Variants in PCGF1 observed in about 807,000 individuals in gnomAD.
PCGF1 encodes polycomb group RING finger protein 1.
PCGF1 carries 10 observed loss-of-function variants against 38.8 expected under a neutral mutation model. That is an observed-to-expected ratio of 0.26 (90% CI 0.16 to 0.44). The LOEUF (loss-of-function observed/expected upper bound fraction) is 0.44, where lower values mean the gene tolerates loss of function less well. Among genes scored for constraint, PCGF1 ranks in the 20% least tolerant of loss-of-function variants. The pLI, the probability that PCGF1 is intolerant of heterozygous loss-of-function variation, is 1.00. For missense variants in PCGF1, 230 were observed against 331.5 expected (o/e 0.69, Z 2.38); for synonymous variants, 119 against 121.3 (o/e 0.98, Z 0.12).
chr2:74,507,492 GC>G, intron 1 of PCGF1, 83 bp downstream of exon 1: 1 of 1,522,876 alleles, frequency 6.6e-7, no homozygotes, highest in Non-Finnish European at 8.8e-7. Flanking sequence ...CGCACTGGGC[GC>G]CCGGCCAGCC....
chr2:74,507,283 C>T (rs1300986897), intron 1 of PCGF1, 136 bp from the exon 2 acceptor site: 2 of 1,474,450 alleles, frequency 1.4e-6, no homozygotes, highest in African/African-American at 2.8e-5. Flanking sequence ...GGGATTAGCT[C>T]CTGGGGGCTG....
In PCGF1 at chr2:74,506,303, C is replaced by T. The variant is rs770496010; in HGVS notation, c.353-51G>A. ...AAAGTATTAGCCCTTCGGGGCCGGG[C>T]GCGGTGGCTCACGCCTGTAATCCCA... On this transcript the variant is annotated intron_variant, in intron 3 of 8. Coordinates refer to ENST00000233630, the MANE Select transcript of PCGF1 (RefSeq NM_032673.3). 5.7e-6 allele frequency: 9 copies of T among 1,568,584 alleles called. No homozygotes were observed. The East Asian group carries it at 1.6e-4, about 27-fold the overall frequency.
Position 74,505,332 on chromosome 2 carries a change from G to A in PCGF1, c.732+7C>T. 1 of 1,604,456 alleles carries A rather than the reference G, an allele frequency of 6.2e-7. No homozygotes were observed. Among genetic ancestry groups the A allele is most frequent in the Non-Finnish European group, 8.5e-7 (1 of 1,175,162 alleles). On this transcript the variant is annotated splice_region_variant and intron_variant, in intron 8 of 8. Coordinates refer to ENST00000233630, the MANE Select transcript of PCGF1 (RefSeq NM_032673.3). Reference sequence around the variant, plus strand: ...GGTGTGATCCCAGGGAGGGTGGCCTGGCTTACCTTGCCGAACCAGCGGGAG... The same window carrying A: ...GGTGTGATCCCAGGGAGGGTGGCCTAGCTTACCTTGCCGAACCAGCGGGAG...
chr2:74,505,772 T>TG lies in PCGF1; in HGVS notation c.531-3dup. The TG allele has an allele frequency of 1.2e-6, 2 of 1,614,112 alleles. No homozygotes were observed. The highest frequency in any genetic ancestry group is 1.7e-6 in the Non-Finnish European group (2 of 1,179,986). On this transcript the variant is annotated splice_polypyrimidine_tract_variant and splice_region_variant and intron_variant, in intron 5 of 8. Transcript: ENST00000233630. ...CTTTTATTCTTGTCTTTGCCAGAAC[T>TG]GGGGGGAAATAGACACAGGTTAGGG... is the stretch of plus-strand genomic sequence containing the variant.
Position 74,506,221 on chromosome 2 carries a change from C to G in PCGF1, c.384G>C (p.Gln128His). Residue 128 changes from glutamine to histidine, a missense_variant, in exon 4 of 9, where the codon CAG becomes CAC. Around this residue, in one of 3 missense-constraint regions of PCGF1, gnomAD observed 144 missense variants for 182.4 expected, o/e 0.79. Coordinates refer to ENST00000233630, the MANE Select transcript of PCGF1 (RefSeq NM_032673.3). Reference protein sequence around the residue: ...SEEKRIREFYQSRGLDRVTQP... With the variant: ...SEEKRIREFYHSRGLDRVTQP... ...GGGTGACCCGGTCCAAACCTCGGGA[C>G]TGGTAGAATTCCCGAATCCGTTTCT... 1.2e-6 allele frequency: 2 copies of G among 1,614,140 alleles called. No homozygotes were observed. The highest frequency in any genetic ancestry group is 8.5e-7 in the Non-Finnish European group (1 of 1,180,020).
Position 74,505,941 on chromosome 2 carries a change from C to T in PCGF1, c.530+11G>A. The stretch of plus-strand genomic sequence containing the variant: ...ACTGTCACCTCCTGCAACCCCTGAC[C>T]TTCTCCTCACCTCAGCCGCTCCAGG... On this transcript the variant is annotated intron_variant, in intron 5 of 8. Transcript: ENST00000233630. The T allele has an allele frequency of 1.9e-6, 3 of 1,613,588 alleles. No individual in the cohort carries two copies. The highest frequency in any genetic ancestry group is 2.2e-5 in the East Asian group (1 of 44,884).
chr2:74,505,520 C>T (rs1312088630), intron 7 of PCGF1, 32 bp downstream of exon 7: 3 of 1,612,936 alleles, frequency 1.9e-6, no homozygotes, highest in Admixed American at 1.7e-5. Flanking sequence ...GCCCCTTCTC[C>T]CCCTCAAGAA....
At chr2:74,506,674 A>T in intron 3 of PCGF1, 58 bp downstream of exon 3, 1 of 1,595,264 alleles carries the variant, frequency 6.3e-7, no homozygotes, top group Admixed American at 1.7e-5. Flanking sequence ...CGTCACCTCA[A>T]GCTGCCACTC....
chr2:74,506,562 TC>T, intron 3 of PCGF1, 169 bp downstream of exon 3: 1 of 749,664 alleles, frequency 1.3e-6, no homozygotes, highest in Admixed American at 2.7e-5. Flanking sequence ...TGGGCAAGAC[TC>T]CGTCTCAAAA....
rs754369775 is a variant in PCGF1 at position 74,507,654 on chromosome 2, C to A, written c.15G>T (p.Gln5His). The change falls in exon 1 of 9, where the codon CAG (glutamine) becomes CAT (histidine). Residue 5 changes from glutamine to histidine, a missense_variant. Coordinates refer to ENST00000233630, the MANE Select transcript of PCGF1 (RefSeq NM_032673.3). MASP[Q>H]GGQIAIAMRL... is the part of the protein sequence containing the mutation. ...TCATCGCGATCGCAATCTGGCCCCC[C>A]TGAGGAGACGCCATCTTAAAGGCTG... The A allele has an allele frequency of 7.0e-6, 11 of 1,564,034 alleles. No homozygotes were observed. The East Asian group carries it at 1.4e-4, about 21-fold the overall frequency.
chr2:74,506,962 A>G, intron 2 of PCGF1, 78 bp from the exon 3 acceptor site: 1 of 1,603,282 alleles, frequency 6.2e-7, no homozygotes, highest in East Asian at 2.2e-5. Context: ...TGGATGCGTG[A>G]GGCAGGCCGC....
chr2:74,506,079 G>A (rs914820481), intron 4 of PCGF1, 22 bp from the exon 5 acceptor site: 3 of 1,613,182 alleles, frequency 1.9e-6, no homozygotes, highest in Admixed American at 3.3e-5. Flanking sequence ...AGGGTAGTGA[G>A]GTGGCTGGTG....
intron 5 of PCGF1, 89 bp downstream of exon 5, chr2:74,505,863 T>G: frequency 6.2e-7 from 1 of 1,601,290 alleles, no homozygotes; most frequent in Non-Finnish European, 8.6e-7. Flanking sequence ...GGATAGGCAC[T>G]CACTCACTGC....
intron 3 of PCGF1, 31 bp from the exon 4 acceptor site, chr2:74,506,283 A>AT (rs775335282): frequency 6.2e-7 from 1 of 1,609,718 alleles, no homozygotes; most frequent in Non-Finnish European, 8.5e-7. Flanking sequence ...AGAATAAAGT[A>AT]TTAGCCCTTC....
chr2:74,505,167 G>A lies in PCGF1; in HGVS notation c.756C>T (p.Tyr252=), dbSNP rs369200306. The A allele has an allele frequency of 1.9e-5, 29 of 1,542,908 alleles. No individual in the cohort carries two copies. Among genetic ancestry groups the A allele is most frequent in the Non-Finnish European group, 2.4e-5 (28 of 1,144,652 alleles). ...FGKPSPLLLQ[Y]SVKEKRR Reference sequence around the variant, plus strand: ...CCTACCTCCTCTTCTCTTTCACACTGTATTGTAAAAGCAAAGGGGATGGCT... The same window carrying A: ...CCTACCTCCTCTTCTCTTTCACACTATATTGTAAAAGCAAAGGGGATGGCT... The change falls in exon 9 of 9, where the codon TAC becomes TAT. Residue 252 remains tyrosine, a synonymous_variant. Transcript: ENST00000233630.
rs572740229 is a variant in PCGF1 at position 74,507,525 on chromosome 2, C to T, written c.93+51G>A. 26 of 1,548,352 alleles carry T rather than the reference C, an allele frequency of 1.7e-5. No individual in the cohort carries two copies. The East Asian group carries it at 6.3e-4, about 38-fold the overall frequency. On this transcript the variant is annotated intron_variant, in intron 1 of 8. Coordinates refer to ENST00000233630, the MANE Select transcript of PCGF1 (RefSeq NM_032673.3). ...AGCCACCGCCCGTCCTTTAGCCCGC[C>T]CCAATTCGCACCGCTGGCCGACCAC...
In PCGF1 at chr2:74,505,575, G is replaced by A. The variant is rs769554039; in HGVS notation, c.628C>T (p.Arg210Cys). The change falls in exon 7 of 9, where the codon CGC becomes TGC. Residue 210 changes from arginine (R) to cysteine (C), a missense_variant. This residue lies in a region of PCGF1 where 144 missense variants were observed against 182.4 expected (regional missense o/e 0.79). Transcript: ENST00000233630. The stretch of plus-strand genomic sequence containing the variant: ...ACATGCTGAGGGTTTAGCATCAAGC[G>A]GTGACACAGGACCCTCCGGAGATGG... ...VRHLRRVLCH[R>C]LMLNPQHVQL... is the part of the protein sequence containing the mutation. The A allele has an allele frequency of 9.9e-6, 16 of 1,613,948 alleles. No individual in the cohort carries two copies. Among genetic ancestry groups the A allele is most frequent in the Non-Finnish European group, 1.1e-5 (13 of 1,180,016 alleles).
chr2:74,506,338 G>A, intron 3 of PCGF1, 86 bp from the exon 4 acceptor site: 1 of 1,281,298 alleles, frequency 7.8e-7, no homozygotes, highest in South Asian at 1.2e-5. Flanking sequence ...AGCACTTTGG[G>A]AGGCAGAGGT....
chr2:74,507,265 A>G, intron 1 of PCGF1, 118 bp from the exon 2 acceptor site: 2 of 1,486,070 alleles, frequency 1.3e-6, no homozygotes, highest in Non-Finnish European at 1.8e-6. Flanking sequence ...GCCCTGCGCC[A>G]TCAGCCGGGG....
Sources: allele counts gnomAD v4.1 joint callset, GRCh38; gene constraint gnomAD v4.1.1; regional missense constraint gnomAD v4.1.1; transcripts MANE v1.5; gene names NCBI Gene and HGNC (gene_info 2026-07-23, HGNC 2026-07-21).